RAB2A: variants seen among roughly 807,000 people sequenced by gnomAD.
RAB2A encodes ras-related protein Rab-2A.
RAB2A carries 7 observed loss-of-function variants against 32.5 expected under a neutral mutation model. The ratio of observed to expected loss-of-function variants is 0.22; its 90% CI spans 0.12 to 0.40. The LOEUF (loss-of-function observed/expected upper bound fraction) is 0.40, where lower values mean the gene tolerates loss of function less well. Among genes scored for constraint, RAB2A ranks in the 10% least tolerant of loss-of-function variants. The pLI is 1.00. For synonymous variants in RAB2A, 79 were observed against 85.2 expected (o/e 0.93, Z 0.40); for missense variants, 108 against 260.7 (o/e 0.41, Z 4.03).
chr8:60,574,169 G>A (rs1316329500), intron 3 of RAB2A, among the ~76,000 whole-genome samples: 5 of 152,154 alleles, frequency 3.3e-5, no homozygotes, highest in Non-Finnish European at 4.4e-5. Flanking sequence ...TAAGATGTCA[G>A]CTCTTTGGTG....
intron 2 of RAB2A, among the ~76,000 whole-genome samples, chr8:60,570,476 T>C (rs1246821868): frequency 6.6e-6 from 1 of 152,128 alleles, no homozygotes; most frequent in African/African-American, 2.4e-5. Context: ...ACTAATTTCA[T>C]TTTTCATGTC....
chr8:60,547,945 T>C (rs1370068734), intron 1 of RAB2A, among the ~76,000 whole-genome samples: 50 of 53,968 alleles, frequency 9.3e-4, no homozygotes, highest in African/African-American at 1.9e-3. Flanking sequence ...CACTTCCCAG[T>C]AGGGGCGGCC....
chr8:60,572,545 C>T (rs1423107345), intron 3 of RAB2A, among the ~76,000 whole-genome samples: 2 of 152,008 alleles, frequency 1.3e-5, no homozygotes, highest in Non-Finnish European at 2.9e-5. Context: ...TCTGTCATAC[C>T]CTTGTTCATT....
chr8:60,557,640 A>G (rs1157435527), intron 1 of RAB2A, among the ~76,000 whole-genome samples: 1 of 152,202 alleles, frequency 6.6e-6, no homozygotes, highest in African/African-American at 2.4e-5. Flanking sequence ...TGGTGTGATC[A>G]TAGCAGCCTT....
intron 2 of RAB2A, among the ~76,000 whole-genome samples, chr8:60,560,232 C>T (rs1287197321): frequency 2.6e-5 from 4 of 152,138 alleles, no homozygotes; most frequent in Non-Finnish European, 5.9e-5. Context: ...GGACTACAGG[C>T]GTGCACTACC....
chr8:60,590,906 TTAGG>T (rs1803932274), intron 5 of RAB2A, among the ~76,000 whole-genome samples: 1 of 151,564 alleles, frequency 6.6e-6, no homozygotes, highest in South Asian at 2.1e-4. Context: ...AACACCAAAT[TTAGG>T]TAGTGGTTAC....
intron 1 of RAB2A, among the ~76,000 whole-genome samples, chr8:60,543,686 G>A (rs538091374): frequency 6.6e-6 from 1 of 152,282 alleles, no homozygotes; most frequent in South Asian, 2.1e-4. Flanking sequence ...TGAAATGGAG[G>A]TTATTCTCTT....
At chr8:60,552,970 A>G (rs771846469) in intron 1 of RAB2A, 1 of 152,218 alleles carries the variant, frequency 6.6e-6, no homozygotes, top group Admixed American at 6.5e-5. Flanking sequence ...CCTATAAAGC[A>G]TGATACAATT....
At chr8:60,548,541 G>A (rs1368749577) in intron 1 of RAB2A, among the ~76,000 whole-genome samples, 1 of 120,348 alleles carries the variant, frequency 8.3e-6, no homozygotes, top group Non-Finnish European at 1.7e-5. Flanking sequence ...CCTCCCGGAC[G>A]GGGCGGCTGG....
At chr8:60,531,373 A>G (rs1043538945) in intron 1 of RAB2A, among the ~76,000 whole-genome samples, 1 of 152,224 alleles carries the variant, frequency 6.6e-6, no homozygotes, top group African/African-American at 2.4e-5. Flanking sequence ...AGTAAAGTTC[A>G]TACCTCTTCA....
intron 6 of RAB2A, among the ~76,000 whole-genome samples, chr8:60,598,019 G>A (rs1271837733): frequency 6.6e-6 from 1 of 152,086 alleles, no homozygotes; most frequent in Non-Finnish European, 1.5e-5. Context: ...GCAACATGGT[G>A]AAACCCTGTC....
rs115496123 is a variant in RAB2A, at chr8:60,592,111, C to T, written c.474+142C>T. ...AGGAAAGTTTCTTCCCTTTGAAATCCCTTGTAACATTCACCTTCTGTCAGA... is the reference window on the plus strand; with the variant it reads ...AGGAAAGTTTCTTCCCTTTGAAATCTCTTGTAACATTCACCTTCTGTCAGA... On this transcript the variant is annotated intron_variant, in intron 6 of 7. Coordinates refer to ENST00000262646, the MANE Select transcript of RAB2A (RefSeq NM_002865.3). 845 of 480,906 alleles carry T rather than the reference C, an allele frequency of 1.8e-3. 5 individuals carry two copies. Among genetic ancestry groups the T allele is most frequent in the African/African-American group, 0.015 (752 of 51,400 alleles). The allele number at this position is 480,906 out of a possible 1,614,324, so 29.8% of individuals were successfully genotyped here.
At chr8:60,557,780 C>T (rs7003130) in intron 1 of RAB2A, among the ~76,000 whole-genome samples, 1,727 of 151,948 alleles carry the variant, frequency 0.011, 40 homozygotes, top group African/African-American at 0.039. Flanking sequence ...CTATGTTGCC[C>T]AGGCTGGTCT....
chr8:60,600,454 A>T (rs551454488), intron 6 of RAB2A, among the ~76,000 whole-genome samples: 1 of 152,262 alleles, frequency 6.6e-6, no homozygotes, highest in Non-Finnish European at 1.5e-5. Context: ...CTTACGTTGC[A>T]TGTGGGAATG....
At chr8:60,613,525 T>C (rs577234430) in intron 6 of RAB2A, among the ~76,000 whole-genome samples, 33 of 152,336 alleles carry the variant, frequency 2.2e-4, no homozygotes, top group South Asian at 2.1e-4. Context: ...TTTCCCACGT[T>C]ATCATCCTCA....
chr8:60,540,950 C>T (rs1807635008), intron 1 of RAB2A, among the ~76,000 whole-genome samples: 1 of 152,172 alleles, frequency 6.6e-6, no homozygotes, highest in Non-Finnish European at 1.5e-5. Flanking sequence ...CTAGTGTGGG[C>T]TGTGCATAGT....
chr8:60,568,126 TG>T (rs1808143190), intron 2 of RAB2A, among the ~76,000 whole-genome samples: 1 of 152,190 alleles, frequency 6.6e-6, no homozygotes, highest in Non-Finnish European at 1.5e-5. Context: ...GGAACAGGAA[TG>T]GGGGATAGGA....
At chr8:60,522,523 TAAAA>T in intron 1 of RAB2A, among the ~76,000 whole-genome samples, 1 of 151,898 alleles carries the variant, frequency 6.6e-6, no homozygotes, top group Non-Finnish European at 1.5e-5. Flanking sequence ...CTTTCTTTTT[TAAAA>T]AAAAATTTAA....
chr8:60,565,192 G>C (rs891215939), intron 2 of RAB2A, among the ~76,000 whole-genome samples: 1 of 152,200 alleles, frequency 6.6e-6, no homozygotes, highest in Non-Finnish European at 1.5e-5. Context: ...GCAGAGGCAA[G>C]AGGATCGCTT....
Sources: allele counts gnomAD v4.1 joint callset (sites outside exome capture counted in the v4.1 genomes callset), GRCh38; gene constraint gnomAD v4.1.1; transcripts MANE v1.5; gene names NCBI Gene and HGNC (gene_info 2026-07-23, HGNC 2026-07-21).